Variants in DGAT1 observed in about 807,000 individuals in gnomAD.
DGAT1 encodes ACAT related gene product 1.
In DGAT1, 60 loss-of-function variants were observed where a neutral mutation model predicts 72.6. That is an observed-to-expected ratio of 0.83 (90% CI 0.67 to 1.02). The LOEUF is 1.02. DGAT1 is among the 50% of genes least tolerant of loss of function. DGAT1 has a pLI of 0.00. For missense variants in DGAT1, 592 were observed against 670.0 expected (o/e 0.88, Z 1.29); for synonymous variants, 290 against 267.5 (o/e 1.08, Z -0.82).
rs1554847123 is a variant in DGAT1, at chr8:144,316,853, C to T, written c.1311G>A (p.Gln437=). Residue 437 remains glutamine, a splice_region_variant and synonymous_variant, in exon 16 of 17, where the codon CAG becomes CAA. Coordinates refer to ENST00000528718, the MANE Select transcript of DGAT1 (RefSeq NM_012079.6). Reference sequence around the variant, plus strand: ...AGGAGGCCACGTGGGGGTCACTCACCTGAGCCATCATGCCCGTGAACGCCC... The same window carrying T: ...AGGAGGCCACGTGGGGGTCACTCACTTGAGCCATCATGCCCGTGAACGCCC... ...RLWAFTGMMA[Q]IPLAWFVGRF... is the part of the protein sequence containing the mutation. 1.2e-6 allele frequency: 2 copies of T among 1,609,404 alleles called. No individual in the cohort carries two copies. The highest frequency in any genetic ancestry group is 1.3e-5 in the African/African-American group (1 of 74,886).
In DGAT1 at chr8:144,318,757, G is replaced by A. The variant is rs782008901; in HGVS notation, c.416-6C>T. ...CACAGCAAAGACATTGGCCGCTGTG[G>A]ACAGAAGCACCAAGGGGCAGGTTTA... On this transcript the variant is annotated splice_region_variant and splice_polypyrimidine_tract_variant and intron_variant, in intron 4 of 16. Transcript: ENST00000528718. 5.6e-6 allele frequency: 9 copies of A among 1,606,832 alleles called. No individual in the cohort carries two copies. The highest frequency in any genetic ancestry group is 2.2e-5 in the East Asian group (1 of 44,666).
chr8:144,319,912 T>C (rs1401272936), intron 2 of DGAT1, among the ~76,000 whole-genome samples: 1 of 152,186 alleles, frequency 6.6e-6, no homozygotes, highest in Non-Finnish European at 1.5e-5. Context: ...AAAGGGTCGC[T>C]GGCAAGGGAA....
rs782423762 is a variant in DGAT1 at position 144,318,202 on chromosome 8, G to A, written c.677-33C>T. 3.1e-6 allele frequency: 5 copies of A among 1,609,366 alleles called. No homozygotes were observed. In the South Asian group the frequency reaches 3.3e-5, roughly 11 times the overall value. On this transcript the variant is annotated intron_variant, in intron 7 of 16. Transcript: ENST00000528718. ...CACAGCAGAGTGGGAGGGGGCTGGT[G>A]GGGCCCTGCTGCTGCCCAGCCCCCC...
rs782274204 is a variant in DGAT1, at chr8:144,317,589, C to T, written c.937-1G>A. ...CGATGATGCGTGAGTAGTCCATGTC[C>T]TGCAGAAACAAGCCCTTCAGCTAGC... On this transcript the variant is annotated splice_acceptor_variant, in intron 11 of 16. Coordinates refer to ENST00000528718, the MANE Select transcript of DGAT1 (RefSeq NM_012079.6). LOFTEE classifies it high-confidence loss of function. 6.8e-6 allele frequency: 11 copies of T among 1,613,892 alleles called. No homozygotes were observed. The highest frequency in any genetic ancestry group is 9.3e-6 in the Non-Finnish European group (11 of 1,180,016).
At chr8:144,320,731 A>G (rs1343385270) in intron 2 of DGAT1, among the ~76,000 whole-genome samples, 1 of 152,074 alleles carries the variant, frequency 6.6e-6, no homozygotes, top group African/African-American at 2.4e-5. Flanking sequence ...GACGTGGCAC[A>G]GGGCTCCATC....
chr8:144,326,759 G>T lies in DGAT1; in HGVS notation c.-123C>A. The T allele has an allele frequency of 1.2e-6, 1 of 847,744 alleles. No homozygotes were observed. Among genetic ancestry groups the T allele is most frequent in the Non-Finnish European group, 1.5e-6 (1 of 679,426 alleles). The allele number at this position is 847,744 out of a possible 1,614,324, so 52.5% of individuals were successfully genotyped here. A position where few individuals can be genotyped will look rare whatever the true frequency, so the allele number is the denominator to read the frequency against. ...CCACTGCCCCCTGCCGGCCGCCGTA[G>T]CCCGGGTGACCGCCTCACCAGCGCG... is the stretch of plus-strand genomic sequence containing the variant. On this transcript the variant is annotated 5_prime_UTR_variant, in exon 1 of 17. Coordinates refer to ENST00000528718, the MANE Select transcript of DGAT1 (RefSeq NM_012079.6).
At chr8:144,316,792 G>A (rs1260838758) in intron 16 of DGAT1, 61 bp downstream of exon 16, 3 of 1,596,418 alleles carry the variant, frequency 1.9e-6, no homozygotes, top group East Asian at 4.5e-5. Context: ...GGGAGGGTCA[G>A]CCGAGGGGTT....
At chr8:144,318,608 C>A in intron 5 of DGAT1, 42 bp from the exon 6 acceptor site, 1 of 1,606,248 alleles carries the variant, frequency 6.2e-7, no homozygotes, top group Non-Finnish European at 8.5e-7. Flanking sequence ...CTCCCATTGC[C>A]TGGGAGAGGG....
chr8:144,321,280 A>T, intron 2 of DGAT1, 41 bp downstream of exon 2: 1 of 1,587,616 alleles, frequency 6.3e-7, no homozygotes, highest in Non-Finnish European at 8.6e-7. Context: ...ACAGAGCCCC[A>T]CCTGGACCTA....
chr8:144,321,625 G>A (rs566632488), intron 1 of DGAT1, among the ~76,000 whole-genome samples: 4 of 152,340 alleles, frequency 2.6e-5, no homozygotes, highest in East Asian at 3.9e-4. Context: ...TCCAGGCAGC[G>A]GGACGAGCAT....
chr8:144,317,964 G>A lies in DGAT1; in HGVS notation c.805C>T (p.Arg269Cys), dbSNP rs373363244. Residue 269 changes from arginine (R) to cysteine (C), a missense_variant, in exon 9 of 17, where the codon CGC (arginine) becomes TGC (cysteine). Arg to Cys is a radical substitution (Grantham distance 180, BLOSUM62 -3). Coordinates refer to ENST00000528718, the MANE Select transcript of DGAT1 (RefSeq NM_012079.6). Reference protein sequence around the residue: ...PTLCYELNFPRSPRIRKRFLL... With the variant: ...PTLCYELNFPCSPRIRKRFLL... ...AAGCGCTTCCGGATGCGGGGAGAGCGGGGAAAGTTGAGCTCGTAGCACAAG... is the reference window on the plus strand; with the variant it reads ...AAGCGCTTCCGGATGCGGGGAGAGCAGGGAAAGTTGAGCTCGTAGCACAAG... The A allele has an allele frequency of 2.8e-5, 42 of 1,519,788 alleles. No homozygotes were observed. The highest frequency in any genetic ancestry group is 4.0e-5 in the South Asian group (3 of 75,292). The allele number at this position is 1,519,788 out of a possible 1,614,324, so 94.1% of individuals were successfully genotyped here. A position where few individuals can be genotyped will look rare whatever the true frequency, so the allele number is the denominator to read the frequency against.
intron 1 of DGAT1, among the ~76,000 whole-genome samples, chr8:144,321,883 A>G (rs3757974): frequency 0.29 from 44,079 of 152,198 alleles, 7,640 homozygotes; most frequent in East Asian, 0.53. Flanking sequence ...CCCGGGAGCT[A>G]AGGGGTCCCC....
chr8:144,325,414 G>C (rs908569006), intron 1 of DGAT1, among the ~76,000 whole-genome samples: 1 of 152,046 alleles, frequency 6.6e-6, no homozygotes, highest in Non-Finnish European at 1.5e-5. Flanking sequence ...TCCCCATGGT[G>C]CCCCGTGAAG....
rs1817245369 is a variant in DGAT1 at position 144,316,861 on chromosome 8, T to C, written c.1303A>G (p.Met435Val). The C allele has an allele frequency of 6.2e-7, 1 of 1,610,122 alleles. No homozygotes were observed. The highest frequency in any genetic ancestry group is 8.5e-7 in the Non-Finnish European group (1 of 1,178,918). The change falls in exon 16 of 17, where the codon ATG (methionine) becomes GTG (valine). Residue 435 changes from methionine to valine, a missense_variant. By Grantham distance (21) the Met-to-Val change is conservative. Coordinates refer to ENST00000528718, the MANE Select transcript of DGAT1 (RefSeq NM_012079.6). ...ACGTGGGGGTCACTCACCTGAGCCA[T>C]CATGCCCGTGAACGCCCAGAGGCGG... Reference protein sequence around the residue: ...MFRLWAFTGMMAQIPLAWFVG... With the variant: ...MFRLWAFTGMVAQIPLAWFVG...
intron 2 of DGAT1, among the ~76,000 whole-genome samples, chr8:144,319,973 G>A (rs1229742421): frequency 6.6e-6 from 1 of 152,226 alleles, no homozygotes; most frequent in Non-Finnish European, 1.5e-5. Flanking sequence ...TGAGAGAGAA[G>A]ACTGCTTCAG....
intron 1 of DGAT1, among the ~76,000 whole-genome samples, chr8:144,323,993 G>A (rs1817529703): frequency 6.6e-6 from 1 of 152,250 alleles, no homozygotes; most frequent in South Asian, 2.1e-4. Context: ...GAAAGGGAGA[G>A]TCAGAAAGGA....
Position 144,317,431 on chromosome 8 carries a change from G to A in DGAT1, c.996C>T (p.Leu332=). 3.7e-6 allele frequency: 6 copies of A among 1,613,916 alleles called. No homozygotes were observed. Among genetic ancestry groups the A allele is most frequent in the Non-Finnish European group, 5.1e-6 (6 of 1,179,996 alleles). The change falls in exon 13 of 17, where the codon CTC becomes CTT. Residue 332 remains leucine, a synonymous_variant. Transcript: ENST00000528718. The part of the protein sequence containing the change: ...RLLKLAVPNH[L]IWLIFFYWLF... ...GCCAGTAGAAGAAGATGAGCCAGAT[G>A]AGGTGATTGGGGACCTGGCAGGGAG... is the stretch of plus-strand genomic sequence containing the variant.
rs1554846853 is a variant in DGAT1, at chr8:144,315,843, G to A, written c.*711C>T. On this transcript the variant is annotated 3_prime_UTR_variant, in exon 17 of 17. Coordinates refer to ENST00000528718, the MANE Select transcript of DGAT1 (RefSeq NM_012079.6). ...ACCGAGCCCTGCCCCAAGGCGAATA[G>A]CCATGGACATAGCCATTGTGTACCG... 44 of 985,166 alleles carry A rather than the reference G, an allele frequency of 4.5e-5. No individual in the cohort carries two copies. The highest frequency in any genetic ancestry group is 4.9e-5 in the Non-Finnish European group (41 of 829,768). 61.0% of individuals were successfully genotyped at this position (985,166 alleles called of 1,614,324 possible).
rs553387928 is a variant in DGAT1, at chr8:144,314,679, G to A, written c.*1875C>T. 3 of 294,448 alleles carry A rather than the reference G, an allele frequency of 1.0e-5. No homozygotes were observed. Among genetic ancestry groups the A allele is most frequent in the Non-Finnish European group, 2.0e-5 (3 of 153,794 alleles). 18.2% of individuals were successfully genotyped at this position (294,448 alleles called of 1,614,324 possible). On this transcript the variant is annotated 3_prime_UTR_variant, in exon 17 of 17. Transcript: ENST00000528718. ...AGATATATACACACAGTGGATGGAC[G>A]GACAAGACAGGCAGAGATCTATAAA... is the stretch of plus-strand genomic sequence containing the variant.
Sources: gnomAD v4.1 joint callset for allele counts (sites outside exome capture counted in the v4.1 genomes callset) on GRCh38, gnomAD v4.1.1 for gene constraint, MANE v1.5 for transcripts, NCBI Gene and HGNC (gene_info 2026-07-23, HGNC 2026-07-21) for gene names.